EFCAB8: variants seen among roughly 807,000 people sequenced by gnomAD.
EFCAB8 encodes EF-hand calcium binding domain 8.
A neutral mutation model predicts 116.3 loss-of-function variants in EFCAB8; 100 were observed. The ratio of observed to expected loss-of-function variants is 0.86; its 90% confidence interval spans 0.73 to 1.02. EFCAB8 has a LOEUF of 1.02. Ranked by LOEUF, EFCAB8 falls within the 50% of genes least tolerant of loss-of-function variation. The probability of loss-of-function intolerance (pLI) is 0.00; values close to 1 mark genes in which losing one functional copy is unlikely to be tolerated. For missense variants in EFCAB8, 1,320 were observed against 1,416.9 expected (o/e 0.93, Z 1.10); for synonymous variants, 558 against 567.9 (o/e 0.98, Z 0.25).
At chr20:32,929,356 C>G (rs917425787) in intron 20 of EFCAB8, among the ~76,000 whole-genome samples, 1 of 152,012 alleles carries the variant, frequency 6.6e-6, no homozygotes, top group Non-Finnish European at 1.5e-5. Context: ...GCACCGGGGC[C>G]AGTGGGAAGC....
chr20:32,879,997 G>A (rs1410149378), intron 5 of EFCAB8, among the ~76,000 whole-genome samples: 1 of 152,166 alleles, frequency 6.6e-6, no homozygotes, highest in Non-Finnish European at 1.5e-5. Context: ...TGCTGGGCCT[G>A]GGCTGCCCGG....
At chr20:32,903,433 C>T (rs1986527190) in intron 11 of EFCAB8, 2 of 152,400 alleles carry the variant, frequency 1.3e-5, no homozygotes, top group Admixed American at 6.5e-5. Flanking sequence ...TGTCCACTTC[C>T]TCCTGTTGTT....
At chr20:32,931,357 T>C in intron 22 of EFCAB8, 21 bp downstream of exon 22, 1 of 1,519,136 alleles carries the variant, frequency 6.6e-7, no homozygotes, top group Non-Finnish European at 8.8e-7. Context: ...TACTGGAGAG[T>C]TGCTCAGGAA....
Position 32,865,394 on chromosome 20 carries a change from A to G in EFCAB8, c.42+1560A>G, listed in dbSNP as rs138089607. 1.8e-3 allele frequency among the ~76,000 whole-genome samples: 275 copies of G among 152,232 alleles called. 1 individual carries two copies. The highest frequency in any genetic ancestry group is 6.1e-3 in the African/African-American group (253 of 41,546). On this transcript the variant is annotated intron_variant, in intron 2 of 26. Transcript: ENST00000400522. ...AGGTGGTGTGCCTGGAACATGGTGC[A>G]TGCTTGAAACTAGAAAGATAGGTCA...
chr20:32,912,159 C>T (rs1986956307), intron 16 of EFCAB8, among the ~76,000 whole-genome samples: 1 of 152,068 alleles, frequency 6.6e-6, no homozygotes, highest in Admixed American at 6.5e-5. Flanking sequence ...ACTTAGCTGG[C>T]CAGGCAGTGG....
chr20:32,882,352 A>T (rs1052801874), intron 5 of EFCAB8, among the ~76,000 whole-genome samples: 1 of 152,190 alleles, frequency 6.6e-6, no homozygotes, highest in Non-Finnish European at 1.5e-5. Flanking sequence ...TGGTCACTTG[A>T]TAGCTGTTCA....
chr20:32,960,783 G>C (rs1354303819), intron 26 of EFCAB8, among the ~76,000 whole-genome samples: 2 of 152,206 alleles, frequency 1.3e-5, no homozygotes, highest in Non-Finnish European at 2.9e-5. Context: ...TCTCGGGCTG[G>C]GGAGAGGCTG....
At chr20:32,866,753 C>A (rs962275914) in intron 2 of EFCAB8, among the ~76,000 whole-genome samples, 3 of 149,906 alleles carry the variant, frequency 2.0e-5, no homozygotes, top group African/African-American at 7.4e-5. Context: ...TCCTTCCCTC[C>A]CTCCCCCTTC....
At chr20:32,907,498 G>A (rs1044620541) in intron 13 of EFCAB8, among the ~76,000 whole-genome samples, 1 of 152,222 alleles carries the variant, frequency 6.6e-6, no homozygotes, top group Non-Finnish European at 1.5e-5. Flanking sequence ...CTCTGCAGCT[G>A]TAGGCTCAGG....
chr20:32,862,618 C>T (rs890065679), intron 1 of EFCAB8, among the ~76,000 whole-genome samples: 3 of 151,948 alleles, frequency 2.0e-5, no homozygotes, highest in East Asian at 1.9e-4. Flanking sequence ...CCAGCTTGTA[C>T]TGATGAATTT....
intron 23 of EFCAB8, among the ~76,000 whole-genome samples, chr20:32,948,935 C>G (rs1226397480): frequency 1.3e-5 from 2 of 151,942 alleles, no homozygotes; most frequent in Non-Finnish European, 2.9e-5. Context: ...TTCCCCTGAC[C>G]AGGAATAAGA....
chr20:32,902,996 C>T (rs1307688381), intron 11 of EFCAB8, among the ~76,000 whole-genome samples: 1 of 152,250 alleles, frequency 6.6e-6, no homozygotes, highest in East Asian at 1.9e-4. Context: ...TCATCTCCCA[C>T]CTGAACTGCT....
At chr20:32,956,943 CTT>C (rs61235703) in intron 23 of EFCAB8, among the ~76,000 whole-genome samples, 253 of 132,814 alleles carry the variant, frequency 1.9e-3, no homozygotes, top group African/African-American at 6.4e-3. Flanking sequence ...ATGCCCTATT[CTT>C]TTTTTTTTTT....
At position 32,918,574 on chromosome 20, in the gene EFCAB8, G is replaced by T. The variant is rs1193938268; in HGVS notation, c.2274G>T (p.Gln758His). The T allele has an allele frequency of 2.3e-5, 36 of 1,551,342 alleles. No homozygotes were observed. The highest frequency in any genetic ancestry group is 2.9e-5 in the Non-Finnish European group (33 of 1,146,940). ...DKEPDRPVPQQKPSSASGTSR... is the reference protein window; with the variant it reads ...DKEPDRPVPQHKPSSASGTSR... Reference sequence around the variant, plus strand: ...AGCCAGACAGGCCTGTGCCCCAGCAGGTGGGAGCGAGAGCCCAACCAGAAG... The same window carrying T: ...AGCCAGACAGGCCTGTGCCCCAGCATGTGGGAGCGAGAGCCCAACCAGAAG... Residue 758 changes from glutamine (Q) to histidine (H), a missense_variant and splice_region_variant, in exon 19 of 27, where the codon CAG becomes CAT. Transcript: ENST00000400522.
At chr20:32,880,349 A>G (rs1600377074) in intron 5 of EFCAB8, among the ~76,000 whole-genome samples, 3 of 150,494 alleles carry the variant, frequency 2.0e-5, no homozygotes, top group Admixed American at 2.0e-4. Context: ...GCTCACTGCA[A>G]CCTCCGCCCC....
chr20:32,938,789 G>A (rs928079976), intron 22 of EFCAB8, among the ~76,000 whole-genome samples: 4 of 149,714 alleles, frequency 2.7e-5, no homozygotes, highest in Non-Finnish European at 1.5e-5. Flanking sequence ...CAAATAAATG[G>A]AAATACATCT....
chr20:32,861,681 C>T (rs570365275), intron 1 of EFCAB8, among the ~76,000 whole-genome samples: 1 of 152,284 alleles, frequency 6.6e-6, no homozygotes, highest in African/African-American at 2.4e-5. Context: ...GGAGGATCAC[C>T]TGAGCCCAGG....
At chr20:32,951,995 C>T (rs1988810836) in intron 23 of EFCAB8, among the ~76,000 whole-genome samples, 1 of 152,142 alleles carries the variant, frequency 6.6e-6, no homozygotes. Context: ...CATGGTGGCT[C>T]ACGCCTGTAA....
chr20:32,956,947 T>C (rs1327347276), intron 23 of EFCAB8, among the ~76,000 whole-genome samples: 1 of 151,036 alleles, frequency 6.6e-6, no homozygotes, highest in African/African-American at 2.4e-5. Flanking sequence ...CCTATTCTTT[T>C]TTTTTTTTTT....
Sources: gnomAD v4.1 joint callset for allele counts (sites outside exome capture counted in the v4.1 genomes callset) on GRCh38, gnomAD v4.1.1 for gene constraint, MANE v1.5 for transcripts, NCBI Gene and HGNC (gene_info 2026-07-23, HGNC 2026-07-21) for gene names.